The following DIS3 variants were observed in gnomAD, a reference collection of about 807,000 sequenced individuals.
DIS3 encodes the protein exosome complex exonuclease RRP44.
Under a neutral mutation model 113.0 loss-of-function variants are expected in DIS3, and 103 were observed. The observed-to-expected ratio is 0.91, with a 90% confidence interval of 0.78 to 1.07. The LOEUF (loss-of-function observed/expected upper bound fraction) is 1.07. Ranked by LOEUF, DIS3 falls within the 50% of genes least tolerant of loss-of-function variation. The pLI, the probability that DIS3 is intolerant of heterozygous loss-of-function variation, is 0.00. For missense variants in DIS3, 1,121 were observed against 1,167.1 expected, an observed-to-expected ratio of 0.96 and a Z score of 0.58; for synonymous variants, 402 against 394.3, an observed-to-expected ratio of 1.02 and a Z score of -0.23.
chr13:72,767,566 G>A (rs12427900), intron 14 of DIS3, among the ~76,000 whole-genome samples: 41,025 of 151,982 alleles, frequency 0.27, 6,741 homozygotes, highest in East Asian at 0.49. Flanking sequence ...TGAAAACTGA[G>A]GTGTTAGTAG....
At position 72,778,188 on chromosome 13, in the gene DIS3, A is replaced by T. The variant is rs764608708; in HGVS notation, c.579T>A (p.Thr193=). The change falls in exon 3 of 21, where the codon ACT becomes ACA. Residue 193 remains threonine (T), a splice_region_variant and synonymous_variant. Coordinates refer to ENST00000377767, the MANE Select transcript of DIS3 (RefSeq NM_014953.5). ...AAGTACTTCTACATTTAGACTTACA[A>T]GTGAAAGCTGGTATTCCTTCTTCTA... ...KAIEEGIPAF[T]CEEYVKSLTA... is the part of the protein sequence containing the mutation. 1.3e-6 allele frequency: 2 copies of T among 1,577,080 alleles called. No individual in the cohort carries two copies. The highest frequency in any genetic ancestry group is 2.3e-5 in the East Asian group (1 of 44,218).
At chr13:72,780,648 AG>A (rs1180190029) in intron 2 of DIS3, among the ~76,000 whole-genome samples, 197 bp downstream of exon 2, 1 of 152,214 alleles carries the variant, frequency 6.6e-6, no homozygotes, top group Non-Finnish European at 1.5e-5. Flanking sequence ...CCTTGGTTTT[AG>A]GCTTGAGCCC....
rs1354597660 is a variant in DIS3, at chr13:72,758,514, A to G, written c.*1281T>C. 1 of 212,230 alleles carries G rather than the reference A, an allele frequency of 4.7e-6. No homozygotes were observed. The highest frequency in any genetic ancestry group is 9.6e-6 in the Non-Finnish European group (1 of 104,690). 13.1% of individuals were successfully genotyped at this position (212,230 alleles called of 1,614,324 possible). A position where few individuals can be genotyped will look rare whatever the true frequency, so the allele number is the denominator to read the frequency against. On this transcript the variant is annotated 3_prime_UTR_variant, in exon 21 of 21. Transcript: ENST00000377767. ...CAGACCATAGCCAACAAAGTCTAAAATGTTCTAGCACTTCACAGAAAAGGT... is the reference window on the plus strand; with the variant it reads ...CAGACCATAGCCAACAAAGTCTAAAGTGTTCTAGCACTTCACAGAAAAGGT...
In DIS3 at chr13:72,776,096, T is replaced by G. The variant is rs374841823; in HGVS notation, c.655-4A>C. On this transcript the variant is annotated splice_polypyrimidine_tract_variant and splice_region_variant and intron_variant, in intron 4 of 20. Coordinates refer to ENST00000377767, the MANE Select transcript of DIS3 (RefSeq NM_014953.5). ...TTTTTCCACTTTCTATTTCATTCTATGAAAGAAGCAAACCAAAAGATGCCG... is the reference window on the plus strand; with the variant it reads ...TTTTTCCACTTTCTATTTCATTCTAGGAAAGAAGCAAACCAAAAGATGCCG... The G allele has an allele frequency of 6.3e-7, 1 of 1,586,416 alleles. No homozygotes were observed. The highest frequency in any genetic ancestry group is 8.5e-7 in the Non-Finnish European group (1 of 1,172,014).
Position 72,763,448 on chromosome 13 carries a change from T to TACC in DIS3, c.2127_2127+2dup. On this transcript the variant is annotated splice_region_variant and intron_variant, in intron 16 of 20. Transcript: ENST00000377767. ...GATGATTTTTCAAACTGTAGGACCT[T>TACC]ACCCTTGACCTGGCTGCCTTAACAA... The TACC allele has an allele frequency of 6.2e-7, 1 of 1,611,284 alleles. No individual in the cohort carries two copies. The highest frequency in any genetic ancestry group is 8.5e-7 in the Non-Finnish European group (1 of 1,179,210).
In DIS3 at chr13:72,763,302, C is replaced by T. The variant is rs1166870466; in HGVS notation, c.2127+149G>A. On this transcript the variant is annotated intron_variant, in intron 16 of 20. Transcript: ENST00000377767. ...TCTGGGTGACAGTGAGACCCTGTCT[C>T]AAAAAAAAAACCAAAAGAAAAAAGA... The T allele has an allele frequency of 5.6e-6, 5 of 892,754 alleles. No homozygotes were observed. In the Admixed American group the frequency reaches 1.5e-4, roughly 27 times the overall value. The allele number at this position is 892,754 out of a possible 1,614,324, so 55.3% of individuals were successfully genotyped here. A position where few individuals can be genotyped will look rare whatever the true frequency, so the allele number is the denominator to read the frequency against.
rs1422301845 is a variant in DIS3 at position 72,752,259 on chromosome 13, C to A, written c.*7536G>T. Reference sequence around the variant, plus strand: ...TAGAACATGACTTTTTAATTTTTGTCCCCTCATCCTTCTTAGCTATAAAGT... The same window carrying A: ...TAGAACATGACTTTTTAATTTTTGTACCCTCATCCTTCTTAGCTATAAAGT... On this transcript the variant is annotated 3_prime_UTR_variant, in exon 21 of 21. Transcript: ENST00000377767. 4 of 152,012 alleles carry A rather than the reference C, an allele frequency of 2.6e-5. No individual in the cohort carries two copies. Among genetic ancestry groups the A allele is most frequent in the African/African-American group, 9.7e-5 (4 of 41,368 alleles). 9.4% of individuals were successfully genotyped at this position (152,012 alleles called of 1,614,324 possible). A position where few individuals can be genotyped will look rare whatever the true frequency, so the allele number is the denominator to read the frequency against.
chr13:72,758,889 A>T lies in DIS3; in HGVS notation c.*906T>A, dbSNP rs1335320514. On this transcript the variant is annotated 3_prime_UTR_variant, in exon 21 of 21. Transcript: ENST00000377767. ...ACCCTATCCCAAAATATTCCTGAAG[A>T]TATTAATTTAATCATTACTAATCTC... 1 of 182,776 alleles carries T rather than the reference A, an allele frequency of 5.5e-6. No individual in the cohort carries two copies. The highest frequency in any genetic ancestry group is 1.2e-5 in the Non-Finnish European group (1 of 85,922). The allele number at this position is 182,776 out of a possible 1,614,324, so 11.3% of individuals were successfully genotyped here.
chr13:72,764,259 T>G (rs2033697932), intron 15 of DIS3, among the ~76,000 whole-genome samples: 2 of 152,214 alleles, frequency 1.3e-5, no homozygotes, highest in Non-Finnish European at 2.9e-5. Context: ...CAAAAATATT[T>G]TTATTTAATT....
Position 72,759,326 on chromosome 13 carries a change from A to C in DIS3, c.*469T>G, listed in dbSNP as rs1373760672. The C allele has an allele frequency of 9.5e-6, 2 of 210,782 alleles. No homozygotes were observed. Among genetic ancestry groups the C allele is most frequent in the Non-Finnish European group, 1.9e-5 (2 of 103,776 alleles). The allele number at this position is 210,782 out of a possible 1,614,324, so 13.1% of individuals were successfully genotyped here. On this transcript the variant is annotated 3_prime_UTR_variant, in exon 21 of 21. Transcript: ENST00000377767. ...CACCTAGTGTAAGTTAGGTGAATTA[A>C]AGATGGCAAAGGAGATTACATCCTC... is the stretch of plus-strand genomic sequence containing the variant.
In DIS3 at chr13:72,759,485, T is replaced by G. The variant is rs1304143551; in HGVS notation, c.*310A>C. ...TCAAAGTACTTACGCAAAATTAATCTGCTCCTCAATGAGATGAGCACTCCA... is the reference window on the plus strand; with the variant it reads ...TCAAAGTACTTACGCAAAATTAATCGGCTCCTCAATGAGATGAGCACTCCA... On this transcript the variant is annotated 3_prime_UTR_variant, in exon 21 of 21. Coordinates refer to ENST00000377767, the MANE Select transcript of DIS3 (RefSeq NM_014953.5). 4.0e-6 allele frequency: 1 copy of G among 251,392 alleles called. No homozygotes were observed. The highest frequency in any genetic ancestry group is 2.2e-5 in the African/African-American group (1 of 45,888). 15.6% of individuals were successfully genotyped at this position (251,392 alleles called of 1,614,324 possible). A position where few individuals can be genotyped will look rare whatever the true frequency, so the allele number is the denominator to read the frequency against.
rs1566232498 is a variant in DIS3, at chr13:72,755,221, CCT to C, written c.*4572_*4573del. On this transcript the variant is annotated 3_prime_UTR_variant, in exon 21 of 21. Coordinates refer to ENST00000377767, the MANE Select transcript of DIS3 (RefSeq NM_014953.5). Reference sequence around the variant, plus strand: ...TTTCAATGCAGCAGTCCATAGAATGCCTCTGTCAGAATCAAAGACTAAGCTTA... The same window carrying C: ...TTTCAATGCAGCAGTCCATAGAATGCCTGTCAGAATCAAAGACTAAGCTTA... 1 of 1,603,150 alleles carries C rather than the reference CCT, an allele frequency of 6.2e-7. No homozygotes were observed. Among genetic ancestry groups the C allele is most frequent in the Admixed American group, 1.7e-5 (1 of 59,982 alleles).
chr13:72,764,974 T>C (rs2033711096), intron 15 of DIS3, among the ~76,000 whole-genome samples: 1 of 152,204 alleles, frequency 6.6e-6, no homozygotes, highest in Non-Finnish European at 1.5e-5. Context: ...GATATTATAA[T>C]AGCACGCAAG....
chr13:72,765,339 C>T (rs2033719195), intron 15 of DIS3, among the ~76,000 whole-genome samples: 1 of 152,110 alleles, frequency 6.6e-6, no homozygotes, highest in South Asian at 2.1e-4. Context: ...GGGAGTCTGG[C>T]TTCATAACCC....
intron 2 of DIS3, 136 bp downstream of exon 2, chr13:72,780,710 C>G: frequency 2.3e-6 from 2 of 876,102 alleles, no homozygotes; most frequent in Non-Finnish European, 3.4e-6. Flanking sequence ...ATCTTCTGCA[C>G]AGCCATGTAA....
intron 4 of DIS3, among the ~76,000 whole-genome samples, chr13:72,777,036 A>G (rs1266605586): frequency 6.6e-6 from 1 of 152,160 alleles, no homozygotes; most frequent in Non-Finnish European, 1.5e-5. Context: ...ACTAACCTAC[A>G]GAATAAGTTC....
In DIS3 at chr13:72,763,566, T is replaced by C. The variant is rs765748745; in HGVS notation, c.2012A>G (p.Asn671Ser). The change falls in exon 16 of 21, where the codon AAT becomes AGT. Residue 671 changes from asparagine to serine, a missense_variant. Coordinates refer to ENST00000377767, the MANE Select transcript of DIS3 (RefSeq NM_014953.5). ...SMVEEFMLLA[N>S]ISVAKKIHEE... ...ATGAATTTTTTTTGCAACAGAAATA[T>C]TGGCAAGTAACATAAATTCTTCAAC... The C allele has an allele frequency of 1.5e-5, 24 of 1,613,570 alleles. No homozygotes were observed. Among genetic ancestry groups the C allele is most frequent in the Non-Finnish European group, 1.9e-5 (23 of 1,179,922 alleles).
chr13:72,774,932 G>A (rs1370230736), intron 6 of DIS3, among the ~76,000 whole-genome samples: 2 of 151,988 alleles, frequency 1.3e-5, no homozygotes, highest in South Asian at 4.1e-4. Context: ...ATCTCACTAA[G>A]TCTAATAATA....
chr13:72,780,797 T>C (rs771771997), intron 2 of DIS3, 49 bp downstream of exon 2: 51 of 1,531,702 alleles, frequency 3.3e-5, no homozygotes, highest in Non-Finnish European at 7.0e-6. Flanking sequence ...CTCTCCCGAA[T>C]TTTGCTAATC....
Sources: gnomAD v4.1 joint callset for allele counts (sites outside exome capture counted in the v4.1 genomes callset) on GRCh38, gnomAD v4.1.1 for gene constraint, MANE v1.5 for transcripts, NCBI Gene and HGNC (gene_info 2026-07-23, HGNC 2026-07-21) for gene names.